The following SNTG1 variants were observed in gnomAD, a reference collection of about 807,000 sequenced individuals.
SNTG1 encodes syntrophin gamma 1.
Under a neutral mutation model 74.7 loss-of-function variants are expected in SNTG1, and 39 were observed. That is an observed-to-expected ratio of 0.52 (90% CI 0.40 to 0.68). The LOEUF (loss-of-function observed/expected upper bound fraction) is 0.68. Ranked by LOEUF, SNTG1 falls within the 30% of genes least tolerant of loss-of-function variation. SNTG1 has a pLI of 0.00. For missense variants in SNTG1, 685 were observed against 609.5 expected, an observed-to-expected ratio of 1.12 and a Z score of -1.30; for synonymous variants, 254 against 217.1, an observed-to-expected ratio of 1.17 and a Z score of -1.49.
At chr8:50,789,590 A>T (rs1385644531) in intron 18 of SNTG1, among the ~76,000 whole-genome samples, 1 of 151,988 alleles carries the variant, frequency 6.6e-6, no homozygotes, top group Non-Finnish European at 1.5e-5. Context: ...CAAAATCTTG[A>T]TCTTTACTTC....
chr8:50,734,982 T>C (rs1585669214), intron 17 of SNTG1, among the ~76,000 whole-genome samples: 2 of 147,356 alleles, frequency 1.4e-5, no homozygotes. Context: ...TATCTATCCA[T>C]ATATATGTCC....
At chr8:49,939,937 G>T (rs1808530788) in intron 1 of SNTG1, among the ~76,000 whole-genome samples, 1 of 152,086 alleles carries the variant, frequency 6.6e-6, no homozygotes, top group Non-Finnish European at 1.5e-5. Flanking sequence ...AAAATATGTG[G>T]AGTAAAATAT....
At chr8:50,657,087 T>G (rs1171306949) in intron 14 of SNTG1, 62 bp downstream of exon 14, 1 of 870,316 alleles carries the variant, frequency 1.1e-6, no homozygotes, top group South Asian at 2.4e-5. Context: ...TGACACCAAC[T>G]TAACAGCACC....
At chr8:50,392,256 C>T (rs367912251) in intron 2 of SNTG1, among the ~76,000 whole-genome samples, 3 of 152,108 alleles carry the variant, frequency 2.0e-5, no homozygotes, top group African/African-American at 7.2e-5. Flanking sequence ...ATTGGATTGG[C>T]TTTGATTGTG....
At chr8:50,003,592 A>G (rs1282322443) in intron 1 of SNTG1, among the ~76,000 whole-genome samples, 3 of 152,230 alleles carry the variant, frequency 2.0e-5, no homozygotes, top group Admixed American at 1.3e-4. Flanking sequence ...TTAAAAAGCA[A>G]GATTACAGTG....
At chr8:50,299,205 C>T (rs1431395647) in intron 2 of SNTG1, among the ~76,000 whole-genome samples, 2 of 151,966 alleles carry the variant, frequency 1.3e-5, no homozygotes, top group East Asian at 1.9e-4. Context: ...AAAAGTTTTC[C>T]GAAGAGACAG....
intron 2 of SNTG1, among the ~76,000 whole-genome samples, chr8:50,307,599 T>C (rs2089954223): frequency 6.6e-6 from 1 of 152,142 alleles, no homozygotes; most frequent in Non-Finnish European, 1.5e-5. Flanking sequence ...TTTTTGTTTT[T>C]AATCCTAATT....
intron 8 of SNTG1, among the ~76,000 whole-genome samples, chr8:50,499,684 C>T (rs1411400154): frequency 1.3e-5 from 2 of 151,384 alleles, no homozygotes; most frequent in Non-Finnish European, 3.0e-5. Context: ...TTATAGCTTC[C>T]CTATGCCAGT....
chr8:50,215,503 T>C (rs1034589604), intron 2 of SNTG1, among the ~76,000 whole-genome samples: 1 of 148,666 alleles, frequency 6.7e-6, no homozygotes, highest in African/African-American at 2.4e-5. Context: ...ACTATAGGCA[T>C]AGATGAAAGG....
chr8:49,984,698 C>T (rs1186599157), intron 1 of SNTG1, among the ~76,000 whole-genome samples: 3 of 152,022 alleles, frequency 2.0e-5, no homozygotes, highest in Admixed American at 6.5e-5. Context: ...ACATTTCATG[C>T]AAAGTAAGTT....
At chr8:50,657,109 C>G in intron 14 of SNTG1, 84 bp downstream of exon 14, 2 of 623,032 alleles carry the variant, frequency 3.2e-6, no homozygotes, top group Non-Finnish European at 5.2e-6. Flanking sequence ...AATAGTATAC[C>G]ATCAATATTT....
At chr8:50,382,588 T>A (rs1032852189) in intron 2 of SNTG1, among the ~76,000 whole-genome samples, 1 of 152,204 alleles carries the variant, frequency 6.6e-6, no homozygotes, top group African/African-American at 2.4e-5. Context: ...ATGGGACTGA[T>A]TGACAGTATT....
At chr8:50,622,923 C>A (rs190423640) in intron 13 of SNTG1, among the ~76,000 whole-genome samples, 9 of 151,934 alleles carry the variant, frequency 5.9e-5, no homozygotes, top group Non-Finnish European at 1.2e-4. Context: ...CCGATGTTTT[C>A]GGTGAAAATG....
intron 15 of SNTG1, among the ~76,000 whole-genome samples, chr8:50,675,904 C>G (rs1563729963): frequency 6.6e-6 from 1 of 151,948 alleles, no homozygotes; most frequent in Non-Finnish European, 1.5e-5. Flanking sequence ...TTTTATTTCT[C>G]CTTTGTTTAT....
At chr8:50,708,743 T>C (rs1585607843) in intron 16 of SNTG1, 143 bp from the exon 17 acceptor site, 1 of 588,124 alleles carries the variant, frequency 1.7e-6, no homozygotes, top group African/African-American at 1.9e-5. Context: ...AAAATGTTGA[T>C]AATACTCCCT....
intron 2 of SNTG1, among the ~76,000 whole-genome samples, chr8:50,222,690 C>A (rs2085130192): frequency 6.6e-6 from 1 of 152,096 alleles, no homozygotes; most frequent in Non-Finnish European, 1.5e-5. Context: ...TAGTGACCAG[C>A]CACTGGCTAA....
intron 13 of SNTG1, among the ~76,000 whole-genome samples, chr8:50,656,396 G>T (rs2095181190): frequency 6.6e-6 from 1 of 152,122 alleles, no homozygotes; most frequent in Non-Finnish European, 1.5e-5. Context: ...TAAGATCAAT[G>T]ATTAAAAGGA....
At chr8:50,673,431 TG>T (rs2095294748) in intron 15 of SNTG1, among the ~76,000 whole-genome samples, 1 of 152,174 alleles carries the variant, frequency 6.6e-6, no homozygotes, top group Non-Finnish European at 1.5e-5. Context: ...TTATTCTCTT[TG>T]TAGCCATTGT....
intron 1 of SNTG1, among the ~76,000 whole-genome samples, chr8:49,955,799 C>T (rs1285637909): frequency 6.6e-6 from 1 of 152,152 alleles, no homozygotes; most frequent in Non-Finnish European, 1.5e-5. Flanking sequence ...GAAAAGGGCT[C>T]TGTATTCCCT....
Sources: gnomAD v4.1 joint callset for allele counts (sites outside exome capture counted in the v4.1 genomes callset) on GRCh38, gnomAD v4.1.1 for gene constraint, MANE v1.5 for transcripts, NCBI Gene and HGNC (gene_info 2026-07-23, HGNC 2026-07-21) for gene names.